ADIPOR1: variants seen among roughly 807,000 people sequenced by gnomAD.
ADIPOR1 encodes the protein adiponectin receptor protein 1.
In ADIPOR1, 15 loss-of-function variants were observed where a neutral mutation model predicts 37.5. The ratio of observed to expected loss-of-function variants is 0.40; its 90% confidence interval spans 0.27 to 0.62. ADIPOR1 has a LOEUF of 0.62. Among genes scored for constraint, ADIPOR1 ranks in the 20% least tolerant of loss-of-function variants. The pLI is 0.42. For synonymous variants in ADIPOR1, 173 were observed against 173.2 expected (o/e 1.00, Z 0.01); for missense variants, 286 against 478.0 (o/e 0.60, Z 3.75).
At chr1:202,948,171 T>C in intron 3 of ADIPOR1, 133 bp downstream of exon 3, 1 of 697,698 alleles carries the variant, frequency 1.4e-6, no homozygotes, top group Non-Finnish European at 2.3e-6. Flanking sequence ...ATTTACCTCA[T>C]CTTAACCAAA....
At chr1:202,953,706 A>G (rs1452800899) in intron 1 of ADIPOR1, among the ~76,000 whole-genome samples, 1 of 130,120 alleles carries the variant, frequency 7.7e-6, no homozygotes, top group African/African-American at 3.1e-5. Context: ...GACACTGTGC[A>G]AAATACAAGT....
At chr1:202,956,921 T>C (rs920516201) in intron 1 of ADIPOR1, among the ~76,000 whole-genome samples, 2 of 152,226 alleles carry the variant, frequency 1.3e-5, no homozygotes, top group Non-Finnish European at 2.9e-5. Flanking sequence ...CCATTGAGAA[T>C]AGAAAGCTTT....
At chr1:202,957,268 A>G (rs77096482) in intron 1 of ADIPOR1, among the ~76,000 whole-genome samples, 2,543 of 152,212 alleles carry the variant, frequency 0.017, 87 homozygotes, top group African/African-American at 0.056. Context: ...CAGCCATTAC[A>G]ATCATTTGTT....
chr1:202,948,228 C>T, intron 3 of ADIPOR1, 76 bp downstream of exon 3: 1 of 1,236,916 alleles, frequency 8.1e-7, no homozygotes, highest in Non-Finnish European at 1.1e-6. Context: ...CGACCCAGTG[C>T]AAGCTTGCTG....
intron 3 of ADIPOR1, 61 bp downstream of exon 3, chr1:202,948,243 G>A (rs1196494387): frequency 7.4e-7 from 1 of 1,358,752 alleles, no homozygotes; most frequent in Non-Finnish European, 1.0e-6. Flanking sequence ...TTGCTGGCTG[G>A]GGACATCCCA....
chr1:202,949,617 G>C (rs959686874), intron 2 of ADIPOR1, among the ~76,000 whole-genome samples: 30 of 148,220 alleles, frequency 2.0e-4, no homozygotes, highest in Admixed American at 1.5e-3. Flanking sequence ...GAGAGCACTT[G>C]CCTGTGAAAG....
At chr1:202,953,990 C>T (rs1654682139) in intron 1 of ADIPOR1, among the ~76,000 whole-genome samples, 1 of 152,206 alleles carries the variant, frequency 6.6e-6, no homozygotes, top group Non-Finnish European at 1.5e-5. Context: ...CTAATTTCAT[C>T]ATTTGATCTG....
chr1:202,954,611 G>T (rs1186620676), intron 1 of ADIPOR1, among the ~76,000 whole-genome samples: 2 of 152,144 alleles, frequency 1.3e-5, no homozygotes, highest in African/African-American at 4.8e-5. Context: ...AGCCAAACTC[G>T]ACTGAGTGCA....
rs1571563648 is a variant in ADIPOR1 at position 202,947,315 on chromosome 1, A to G, written c.259-705T>C. 2.6e-5 allele frequency among the ~76,000 whole-genome samples: 4 copies of G among 152,156 alleles called. No homozygotes were observed. The East Asian group carries it at 7.7e-4, about 29-fold the overall frequency. The stretch of plus-strand genomic sequence containing the variant: ...GGCGGGCGGATCACCTGAGGTTGGG[A>G]GTTCGAGACTAGCCTGACCAACATG... On this transcript the variant is annotated intron_variant, in intron 3 of 7. Transcript: ENST00000340990.
chr1:202,955,600 T>C (rs148280946), intron 1 of ADIPOR1, among the ~76,000 whole-genome samples: 3 of 152,128 alleles, frequency 2.0e-5, no homozygotes, highest in African/African-American at 7.2e-5. Flanking sequence ...GCCCATTTTT[T>C]CTTTTTGGAG....
At chr1:202,956,819 G>A (rs1654803378) in intron 1 of ADIPOR1, among the ~76,000 whole-genome samples, 1 of 152,220 alleles carries the variant, frequency 6.6e-6, no homozygotes, top group South Asian at 2.1e-4. Context: ...TTAAGGTGGT[G>A]TACTTTATAA....
At chr1:202,957,505 G>C (rs543917490) in intron 1 of ADIPOR1, among the ~76,000 whole-genome samples, 19 of 152,076 alleles carry the variant, frequency 1.2e-4, no homozygotes, top group African/African-American at 4.3e-4. Flanking sequence ...AAAATCGAAG[G>C]CTTGAAGACC....
intron 6 of ADIPOR1, 39 bp from the exon 7 acceptor site, chr1:202,942,257 A>G: frequency 6.4e-7 from 1 of 1,552,514 alleles, no homozygotes; most frequent in Non-Finnish European, 8.7e-7. Flanking sequence ...ACAAGGAAAC[A>G]GCCACCGCAT....
chr1:202,954,000 G>A (rs1260643127), intron 1 of ADIPOR1, among the ~76,000 whole-genome samples: 2 of 152,170 alleles, frequency 1.3e-5, no homozygotes, highest in Admixed American at 6.5e-5. Context: ...CATTTGATCT[G>A]AAAAGTTTTT....
In ADIPOR1 at chr1:202,941,388, G is replaced by A. The variant is rs1384670046; in HGVS notation, c.*185C>T. 8.2e-6 allele frequency: 5 copies of A among 610,854 alleles called. No individual in the cohort carries two copies. The highest frequency in any genetic ancestry group is 1.9e-5 in the African/African-American group (1 of 52,482). 37.8% of individuals were successfully genotyped at this position (610,854 alleles called of 1,614,324 possible). ...TTGACCATGCCCCATCCCCAGCTAGGAGAATGGAAATGGAAAGTTTATTGC... is the reference window on the plus strand; with the variant it reads ...TTGACCATGCCCCATCCCCAGCTAGAAGAATGGAAATGGAAAGTTTATTGC... On this transcript the variant is annotated 3_prime_UTR_variant, in exon 8 of 8. Coordinates refer to ENST00000340990, the MANE Select transcript of ADIPOR1 (RefSeq NM_015999.6).
At chr1:202,949,948 C>T (rs1370878244) in intron 2 of ADIPOR1, among the ~76,000 whole-genome samples, 1 of 152,040 alleles carries the variant, frequency 6.6e-6, no homozygotes, top group African/African-American at 2.4e-5. Context: ...TGAGGTACTT[C>T]CTGATAGTCC....
chr1:202,944,726 A>T (rs1654237026), intron 5 of ADIPOR1: 1 of 275,896 alleles, frequency 3.6e-6, no homozygotes, highest in Non-Finnish European at 6.9e-6. Context: ...GCCTCACAAA[A>T]GATAGTGCTT....
At position 202,950,782 on chromosome 1, in the gene ADIPOR1, TTA is replaced by T. The variant is rs1654543514; in HGVS notation, c.141+146_141+147del. 6 of 1,127,232 alleles carry T rather than the reference TTA, an allele frequency of 5.3e-6. No individual in the cohort carries two copies. In the South Asian group the frequency reaches 9.2e-5, roughly 17 times the overall value. The allele number at this position is 1,127,232 out of a possible 1,614,324, so 69.8% of individuals were successfully genotyped here. On this transcript the variant is annotated intron_variant, in intron 2 of 7. Coordinates refer to ENST00000340990, the MANE Select transcript of ADIPOR1 (RefSeq NM_015999.6). ...ATGGGGAAAGCAGACAACAAGATGT[TTA>T]TAACAGTATCATAGGGACTTGGATA...
chr1:202,949,536 G>A (rs980402783), intron 2 of ADIPOR1, among the ~76,000 whole-genome samples: 5 of 145,920 alleles, frequency 3.4e-5, no homozygotes, highest in East Asian at 2.1e-4. Context: ...AGCCGAGAAC[G>A]TGCCACTGCA....
Sources: gnomAD v4.1 joint callset for allele counts (sites outside exome capture counted in the v4.1 genomes callset) on GRCh38, gnomAD v4.1.1 for gene constraint, MANE v1.5 for transcripts, NCBI Gene and HGNC (gene_info 2026-07-23, HGNC 2026-07-21) for gene names.